Variants in HROB observed in about 807,000 individuals in gnomAD.
The protein encoded by HROB is homologous recombination factor with OB-fold.
HROB carries 44 observed loss-of-function variants against 61.0 expected under a neutral mutation model. That is an observed-to-expected ratio of 0.72 (90% CI 0.57 to 0.93). HROB has a LOEUF of 0.93. HROB is among the 40% of genes least tolerant of loss of function. HROB has a pLI of 0.00. For synonymous variants in HROB, 301 were observed against 310.4 expected, an observed-to-expected ratio of 0.97 and a Z score of 0.32; for missense variants, 716 against 796.2, an observed-to-expected ratio of 0.90 and a Z score of 1.21.
chr17:44,152,867 G>GT (rs2053857340), intron 5 of HROB, 90 bp downstream of exon 5: 1 of 1,498,802 alleles, frequency 6.7e-7, no homozygotes, highest in African/African-American at 1.4e-5. Flanking sequence ...GGAAGGGGCT[G>GT]TTTGCTCCCT....
At chr17:44,152,029 T>A (rs2053824941) in intron 4 of HROB, among the ~76,000 whole-genome samples, 1 of 152,040 alleles carries the variant, frequency 6.6e-6, no homozygotes, top group Admixed American at 6.6e-5. Context: ...GTATTTTTAG[T>A]AGAGACGGGG....
chr17:44,149,084 C>A, intron 3 of HROB, 57 bp downstream of exon 3: 1 of 1,495,596 alleles, frequency 6.7e-7, no homozygotes, highest in Non-Finnish European at 9.1e-7. Context: ...AGGGTTCCAG[C>A]ACTGTCCAGC....
intron 3 of HROB, 59 bp from the exon 4 acceptor site, chr17:44,150,902 G>C: frequency 1.4e-6 from 2 of 1,395,976 alleles, no homozygotes; most frequent in Non-Finnish European, 2.0e-6. Flanking sequence ...ACAATAAGCT[G>C]TACTTGTAAA....
intron 2 of HROB, among the ~76,000 whole-genome samples, chr17:44,147,236 G>A (rs766603907): frequency 9.2e-5 from 14 of 151,912 alleles, no homozygotes; most frequent in Non-Finnish European, 1.6e-4. Flanking sequence ...TCCCTGGAAC[G>A]TTTGCTTCTC....
chr17:44,156,052 A>C (rs2053959862), intron 8 of HROB, among the ~76,000 whole-genome samples: 1 of 152,116 alleles, frequency 6.6e-6, no homozygotes, highest in Non-Finnish European at 1.5e-5. Context: ...ACCTTGGGCA[A>C]GTCCTGTTGC....
intron 3 of HROB, 110 bp downstream of exon 3, chr17:44,149,137 G>T (rs772243268): frequency 3.3e-5 from 38 of 1,139,362 alleles, no homozygotes; most frequent in Non-Finnish European, 4.5e-5. Context: ...GGAAGGAAGT[G>T]CAGAGAGGCT....
chr17:44,161,117 G>A (rs1432356049), intron 9 of HROB, among the ~76,000 whole-genome samples: 1 of 151,934 alleles, frequency 6.6e-6, no homozygotes, highest in Non-Finnish European at 1.5e-5. Context: ...GCAGGAGAAT[G>A]GTGTGAACCC....
rs1245705188 is a variant in HROB at position 44,142,120 on chromosome 17, G to A, written c.-23G>A. 6.5e-7 allele frequency: 1 copy of A among 1,529,942 alleles called. No individual in the cohort carries two copies. Among genetic ancestry groups the A allele is most frequent in the African/African-American group, 1.4e-5 (1 of 72,276 alleles). The allele number at this position is 1,529,942 out of a possible 1,614,324, so 94.8% of individuals were successfully genotyped here. A position where few individuals can be genotyped will look rare whatever the true frequency, so the allele number is the denominator to read the frequency against. ...CTCGGGGTGCCGGGCCAACCTCCCC[G>A]CCGAGGCCCACCCGCCGTCGCTATG... On this transcript the variant is annotated 5_prime_UTR_variant, in exon 1 of 10. Transcript: ENST00000585683.
chr17:44,142,266 C>T lies in HROB; in HGVS notation c.3+121C>T, dbSNP rs148914788. 1.4e-3 allele frequency: 1,777 copies of T among 1,262,680 alleles called. 20 individuals are homozygous for T. In the African/African-American group the frequency reaches 0.024, roughly 17 times the overall value. The allele number at this position is 1,262,680 out of a possible 1,614,324, so 78.2% of individuals were successfully genotyped here. Reference sequence around the variant, plus strand: ...CAGGACCGGGGTCTGGGTGGGGGTTCGGCGGAGTCGGGAGACCTGGGCTGT... The same window carrying T: ...CAGGACCGGGGTCTGGGTGGGGGTTTGGCGGAGTCGGGAGACCTGGGCTGT... On this transcript the variant is annotated intron_variant, in intron 1 of 9. Coordinates refer to ENST00000585683, the MANE Select transcript of HROB (RefSeq NM_001171251.3).
chr17:44,151,290 A>C (rs1217255516), intron 4 of HROB, among the ~76,000 whole-genome samples: 2 of 152,198 alleles, frequency 1.3e-5, no homozygotes, highest in Non-Finnish European at 1.5e-5. Flanking sequence ...CATCTAAGAA[A>C]TAAAGGCCCA....
intron 1 of HROB, among the ~76,000 whole-genome samples, chr17:44,143,896 C>T (rs2053533427): frequency 8.3e-6 from 1 of 120,808 alleles, no homozygotes; most frequent in Non-Finnish European, 2.1e-5. Flanking sequence ...AGGCAGCCTT[C>T]CCTTTGCCCC....
rs2053919872 is a variant in HROB at position 44,154,716 on chromosome 17, G to GA, written c.1558+55dup. On this transcript the variant is annotated intron_variant, in intron 6 of 9. Transcript: ENST00000585683. The stretch of plus-strand genomic sequence containing the variant: ...GGTGAGTGGGCTCCATTGAGGCCAG[G>GA]AAATGAGGTGGAATCACCCTCTCCC... 4 of 1,600,410 alleles carry GA rather than the reference G, an allele frequency of 2.5e-6. No individual in the cohort carries two copies. In the East Asian group the frequency reaches 8.9e-5, roughly 36 times the overall value.
chr17:44,162,032 G>C lies in HROB; in HGVS notation c.*100G>C, dbSNP rs2144156226. On this transcript the variant is annotated 3_prime_UTR_variant, in exon 10 of 10. Coordinates refer to ENST00000585683, the MANE Select transcript of HROB (RefSeq NM_001171251.3). ...AAGAAGGCCAGCATGATTGGAGAGTGGACACAGCCGGGGGGCTTCTGTGGT... is the reference window on the plus strand; with the variant it reads ...AAGAAGGCCAGCATGATTGGAGAGTCGACACAGCCGGGGGGCTTCTGTGGT... The C allele has an allele frequency of 7.3e-7, 1 of 1,363,992 alleles. No homozygotes were observed. Among genetic ancestry groups the C allele is most frequent in the South Asian group, 1.2e-5 (1 of 81,294 alleles). The allele number at this position is 1,363,992 out of a possible 1,614,324, so 84.5% of individuals were successfully genotyped here.
In HROB at chr17:44,152,241, A is replaced by G. The variant is rs982201147; in HGVS notation, c.1309-396A>G. 2.6e-5 allele frequency among the ~76,000 whole-genome samples: 4 copies of G among 152,080 alleles called. No individual in the cohort carries two copies. In the South Asian group the frequency reaches 6.2e-4, roughly 24 times the overall value. The stretch of plus-strand genomic sequence containing the variant: ...GTGATCCACCCGCCTCGGCCTTCCA[A>G]AGTGCTGGGATAACAGGTGTGAGCC... On this transcript the variant is annotated intron_variant, in intron 4 of 9. Coordinates refer to ENST00000585683, the MANE Select transcript of HROB (RefSeq NM_001171251.3).
chr17:44,142,096 T>C lies in HROB; in HGVS notation c.-47T>C. On this transcript the variant is annotated 5_prime_UTR_variant, in exon 1 of 10. Transcript: ENST00000585683. ...CCAAGGCCCCGGCGACTCCCCGGAC[T>C]CGGGGTGCCGGGCCAACCTCCCCGC... The C allele has an allele frequency of 6.5e-7, 1 of 1,530,780 alleles. No homozygotes were observed. The highest frequency in any genetic ancestry group is 8.7e-7 in the Non-Finnish European group (1 of 1,144,212). 94.8% of individuals were successfully genotyped at this position (1,530,780 alleles called of 1,614,324 possible). A position where few individuals can be genotyped will look rare whatever the true frequency, so the allele number is the denominator to read the frequency against.
At position 44,149,018 on chromosome 17, in the gene HROB, G is replaced by A. The variant is rs946609560; in HGVS notation, c.1215G>A (p.Leu405=). The A allele has an allele frequency of 6.2e-7, 1 of 1,613,260 alleles. No homozygotes were observed. The highest frequency in any genetic ancestry group is 1.3e-5 in the African/African-American group (1 of 75,028). The change falls in exon 3 of 10, where the codon CTG becomes CTA. Residue 405 remains leucine (L), a synonymous_variant. Transcript: ENST00000585683. ...TRRFPGPAGI[L]PHQQSGRSLE... ...GTTTCCCTGGCCCAGCTGGGATCCT[G>A]CCTCACCAGGTGAGTGAGCTGGCTT...
In HROB at chr17:44,143,115, T is replaced by C. The variant is rs538721780; in HGVS notation, c.3+970T>C. Among the ~76,000 whole-genome samples the C allele has an allele frequency of 2.6e-5, 4 of 152,290 alleles. No homozygotes were observed. The South Asian group carries it at 8.3e-4, about 32-fold the overall frequency. On this transcript the variant is annotated intron_variant, in intron 1 of 9. Coordinates refer to ENST00000585683, the MANE Select transcript of HROB (RefSeq NM_001171251.3). ...CCACCCCAGCTAACTTATTTCTATT[T>C]TTAGTAGAGACGAGGTTTCACTTTG... is the stretch of plus-strand genomic sequence containing the variant.
chr17:44,142,006 C>A lies in HROB; in HGVS notation c.-137C>A. 8.1e-7 allele frequency: 1 copy of A among 1,241,920 alleles called. No individual in the cohort carries two copies. The highest frequency in any genetic ancestry group is 1.1e-6 in the Non-Finnish European group (1 of 907,236). 76.9% of individuals were successfully genotyped at this position (1,241,920 alleles called of 1,614,324 possible). ...CGACTTTCCCTATATCGCAGAGACTCATCCCTCTGACCCCAGCCCGGAAGC... is the reference window on the plus strand; with the variant it reads ...CGACTTTCCCTATATCGCAGAGACTAATCCCTCTGACCCCAGCCCGGAAGC... On this transcript the variant is annotated 5_prime_UTR_variant, in exon 1 of 10. Coordinates refer to ENST00000585683, the MANE Select transcript of HROB (RefSeq NM_001171251.3).
chr17:44,152,833 G>A, intron 5 of HROB, 56 bp downstream of exon 5: 1 of 1,589,036 alleles, frequency 6.3e-7, no homozygotes, highest in South Asian at 1.1e-5. Flanking sequence ...CCCTCTCTCT[G>A]ACCTACTGCC....
Sources: gnomAD v4.1 joint callset for allele counts (sites outside exome capture counted in the v4.1 genomes callset) on GRCh38, gnomAD v4.1.1 for gene constraint, MANE v1.5 for transcripts, NCBI Gene and HGNC (gene_info 2026-07-23, HGNC 2026-07-21) for gene names.